Variants in SULF1 observed in about 807,000 individuals in gnomAD.
SULF1 encodes the protein extracellular sulfatase Sulf-1.
SULF1 carries 46 observed loss-of-function variants against 110.5 expected under a neutral mutation model. That is an observed-to-expected ratio of 0.42 (90% confidence interval 0.33 to 0.53). SULF1 has a LOEUF of 0.53. SULF1 is among the 20% of genes least tolerant of loss of function. The pLI is 0.12. For synonymous variants in SULF1, 371 were observed against 387.1 expected (o/e 0.96, Z 0.49); for missense variants, 941 against 1,094.2 (o/e 0.86, Z 1.98).
At chr8:69,490,661 G>C (rs532978174), upstream of SULF1, among the ~76,000 whole-genome samples, 1 of 152,260 alleles carries the variant, frequency 6.6e-6, no homozygotes, top group Non-Finnish European at 1.5e-5. Context: ...CACCAGATGA[G>C]ATAATATCTC....
chr8:69,566,666 CAT>C (rs1815905810), intron 5 of SULF1, among the ~76,000 whole-genome samples: 1 of 152,104 alleles, frequency 6.6e-6, no homozygotes, highest in African/African-American at 2.4e-5. Context: ...GCCTGGCCAA[CAT>C]AGTGAAACCC....
chr8:69,487,075 C>CAA (rs1269493118), intron 1 of SULF1, among the ~76,000 whole-genome samples: 1 of 152,190 alleles, frequency 6.6e-6, no homozygotes, highest in East Asian at 1.9e-4. Context: ...GATTCTTCTT[C>CAA]AGTTCAAACT....
chr8:69,544,332 G>T (rs901486779), intron 3 of SULF1, among the ~76,000 whole-genome samples: 1 of 151,666 alleles, frequency 6.6e-6, no homozygotes, highest in African/African-American at 2.4e-5. Flanking sequence ...ACAGTGCCAC[G>T]ATCTCGGCTC....
In SULF1 at chr8:69,502,137, G is replaced by C. The variant is rs541425071; in HGVS notation, c.-134+169G>C. ...ACATTCTCATTCTTGTTGACTGAGA[G>C]AGCTAAAAGGGGCCTTCCACGTGGT... On this transcript the variant is annotated intron_variant, in intron 3 of 22. Transcript: ENST00000402687. 5.3e-5 allele frequency among the ~76,000 whole-genome samples: 8 copies of C among 152,298 alleles called. No homozygotes were observed. The South Asian group carries it at 1.5e-3, about 28-fold the overall frequency.
chr8:69,656,212 T>C (rs1262523368), intron 22 of SULF1, among the ~76,000 whole-genome samples: 1 of 152,250 alleles, frequency 6.6e-6, no homozygotes, highest in African/African-American at 2.4e-5. Flanking sequence ...CACTGGTGTG[T>C]TGTGGTTTTC....
intron 6 of SULF1, among the ~76,000 whole-genome samples, chr8:69,583,020 A>G (rs1806187330): frequency 6.6e-6 from 1 of 152,206 alleles, no homozygotes; most frequent in Non-Finnish European, 1.5e-5. Flanking sequence ...ACTTTGCCCT[A>G]CACTGATCAA....
intron 14 of SULF1, 21 bp downstream of exon 14, chr8:69,621,272 C>G (rs1489912340): frequency 1.3e-6 from 2 of 1,591,206 alleles, no homozygotes. Context: ...CTTTTGTGAC[C>G]ATCTCAATGG....
upstream of SULF1, among the ~76,000 whole-genome samples, chr8:69,489,640 G>A (rs561431011): frequency 1.7e-4 from 25 of 144,136 alleles, no homozygotes; most frequent in African/African-American, 5.7e-4. Flanking sequence ...GCAGAGGGGC[G>A]ATCTTGGCTC....
chr8:69,585,154 TG>T (rs1402237768), intron 6 of SULF1, among the ~76,000 whole-genome samples: 1 of 152,178 alleles, frequency 6.6e-6, no homozygotes. Flanking sequence ...GGGGTGTGTG[TG>T]TGTGTGTGTA....
intron 3 of SULF1, among the ~76,000 whole-genome samples, chr8:69,539,083 A>G (rs1000378382): frequency 2.6e-5 from 4 of 152,226 alleles, no homozygotes; most frequent in Non-Finnish European, 5.9e-5. Flanking sequence ...AAAGGACAGC[A>G]GAGGTCCATC....
Position 69,568,802 on chromosome 8 carries a change from T to C in SULF1, c.172+4655T>C, listed in dbSNP as rs147359107. On this transcript the variant is annotated intron_variant, in intron 5 of 22. Transcript: ENST00000402687. ...GTGATCAACATAAAGTTCAGGATAA[T>C]GGCTACCACTGGGGAAAAAGTGATG... Among the ~76,000 whole-genome samples, 401 of 152,302 alleles carry C rather than the reference T, an allele frequency of 2.6e-3. 3 individuals carry two copies. The highest frequency in any genetic ancestry group is 9.2e-3 in the African/African-American group (381 of 41,568).
intron 3 of SULF1, among the ~76,000 whole-genome samples, chr8:69,521,943 A>AT (rs1812333427): frequency 1.3e-5 from 2 of 151,932 alleles, no homozygotes; most frequent in South Asian, 4.1e-4. Flanking sequence ...GATGCTAGCT[A>AT]TTTTTTTGAA....
intron 5 of SULF1, among the ~76,000 whole-genome samples, chr8:69,573,094 C>T (rs1436144769): frequency 6.6e-6 from 1 of 152,090 alleles, no homozygotes; most frequent in South Asian, 2.1e-4. Context: ...CCCAAAGTGC[C>T]GGGATTACAG....
chr8:69,634,576 C>G (rs1001598008), intron 19 of SULF1, among the ~76,000 whole-genome samples: 1 of 152,048 alleles, frequency 6.6e-6, no homozygotes, highest in Non-Finnish European at 1.5e-5. Flanking sequence ...CAAGACCAGC[C>G]TGGGCAACAT....
intron 1 of SULF1, among the ~76,000 whole-genome samples, chr8:69,484,866 T>C (rs201486615): frequency 8.7e-6 from 1 of 115,492 alleles, no homozygotes; most frequent in African/African-American, 3.6e-5. Context: ...TCTTCTTTTC[T>C]TCCTCCTCCT....
chr8:69,632,812 C>T (rs1377578611), intron 19 of SULF1, among the ~76,000 whole-genome samples: 1 of 151,950 alleles, frequency 6.6e-6, no homozygotes, highest in Non-Finnish European at 1.5e-5. Context: ...ATCAGCTGAG[C>T]CCAGGAGTTC....
intron 22 of SULF1, among the ~76,000 whole-genome samples, chr8:69,653,016 TAC>T (rs1298907581): frequency 2.0e-5 from 3 of 152,358 alleles, no homozygotes; most frequent in East Asian, 3.9e-4. Flanking sequence ...CCTGAGCAAC[TAC>T]GTTTCATCCA....
intron 3 of SULF1, among the ~76,000 whole-genome samples, chr8:69,551,758 A>G (rs1229788652): frequency 6.6e-6 from 1 of 152,154 alleles, no homozygotes; most frequent in Admixed American, 6.5e-5. Flanking sequence ...ACTCTAGACC[A>G]GTACTGTCAG....
chr8:69,594,213 G>T (rs569607812), intron 8 of SULF1, among the ~76,000 whole-genome samples: 20 of 152,202 alleles, frequency 1.3e-4, no homozygotes, highest in African/African-American at 4.6e-4. Flanking sequence ...CACCACGCTC[G>T]GCTAATTTTG....
Sources: allele counts gnomAD v4.1 joint callset (sites outside exome capture counted in the v4.1 genomes callset), GRCh38; gene constraint gnomAD v4.1.1; transcripts MANE v1.5; gene names NCBI Gene and HGNC (gene_info 2026-07-23, HGNC 2026-07-21).